The following NPSR1 variants were observed in gnomAD, a reference collection of about 807,000 sequenced individuals.
The protein encoded by NPSR1 is neuropeptide S receptor 1.
Under a neutral mutation model 46.9 loss-of-function variants are expected in NPSR1, and 48 were observed. The ratio of observed to expected loss-of-function variants is 1.02; its 90% CI spans 0.81 to 1.30. NPSR1 has a LOEUF of 1.30. Among genes scored for constraint, NPSR1 ranks in the 50% most tolerant of loss-of-function variants. NPSR1 has a pLI of 0.00. For synonymous variants in NPSR1, 176 were observed against 168.1 expected, an observed-to-expected ratio of 1.05 and a Z score of -0.36; for missense variants, 450 against 449.5, an observed-to-expected ratio of 1.00 and a Z score of -0.01.
Position 34,843,698 on chromosome 7 carries a change from G to A in NPSR1, c.758-1198G>A, listed in dbSNP as rs549816953. On this transcript the variant is annotated intron_variant, in intron 6 of 8. Transcript: ENST00000360581. ...TTGGACTAGATCAGATTGGAGGTGGGATTGAATGAATATTGCAAAGGTAAA... is the reference window on the plus strand; with the variant it reads ...TTGGACTAGATCAGATTGGAGGTGGAATTGAATGAATATTGCAAAGGTAAA... Among the ~76,000 whole-genome samples the A allele has an allele frequency of 5.9e-5, 9 of 152,350 alleles. No homozygotes were observed. The South Asian group carries it at 1.4e-3, about 25-fold the overall frequency.
chr7:34,706,147 G>A (rs1408168317), intron 2 of NPSR1, among the ~76,000 whole-genome samples: 2 of 151,060 alleles, frequency 1.3e-5, no homozygotes, highest in African/African-American at 4.9e-5. Context: ...TTCTTGATAG[G>A]TTATCCAATT....
chr7:34,770,428 T>G (rs1786625549), intron 2 of NPSR1, among the ~76,000 whole-genome samples: 2 of 152,196 alleles, frequency 1.3e-5, no homozygotes, highest in South Asian at 4.1e-4. Context: ...CCCATGTGCT[T>G]GCCAATGCTT....
intron 2 of NPSR1, among the ~76,000 whole-genome samples, chr7:34,773,733 G>C (rs1786800333): frequency 6.6e-6 from 1 of 152,214 alleles, no homozygotes; most frequent in South Asian, 2.1e-4. Flanking sequence ...TGGCTAATGA[G>C]TAGTCTTGCT....
intron 3 of NPSR1, among the ~76,000 whole-genome samples, chr7:34,786,282 G>C (rs184587688): frequency 3.6e-3 from 545 of 152,132 alleles, no homozygotes; most frequent in Non-Finnish European, 5.8e-3. Context: ...CACTTTCTTT[G>C]CTCATCCATA....
chr7:34,685,495 T>A (rs1225430484), intron 2 of NPSR1, among the ~76,000 whole-genome samples: 1 of 144,150 alleles, frequency 6.9e-6, no homozygotes, highest in Non-Finnish European at 1.5e-5. Flanking sequence ...TGGATCAGAC[T>A]ATAGAAAAAA....
chr7:34,697,536 A>G (rs1223862244), intron 2 of NPSR1, among the ~76,000 whole-genome samples: 1 of 151,992 alleles, frequency 6.6e-6, no homozygotes, highest in African/African-American at 2.4e-5. Flanking sequence ...TAAAATAGAT[A>G]GTATTTGCAT....
At chr7:34,688,666 C>G (rs571193808) in intron 2 of NPSR1, among the ~76,000 whole-genome samples, 1 of 152,298 alleles carries the variant, frequency 6.6e-6, no homozygotes, top group South Asian at 2.1e-4. Flanking sequence ...TGCAGTTTCT[C>G]TGCTCTTTCC....
At chr7:34,738,036 T>C (rs1246797249) in intron 2 of NPSR1, among the ~76,000 whole-genome samples, 1 of 152,246 alleles carries the variant, frequency 6.6e-6, no homozygotes, top group African/African-American at 2.4e-5. Flanking sequence ...TACGGACATT[T>C]AACAAGTGTT....
intron 2 of NPSR1, among the ~76,000 whole-genome samples, chr7:34,745,253 T>C (rs970382011): frequency 6.6e-6 from 1 of 152,222 alleles, no homozygotes; most frequent in African/African-American, 2.4e-5. Flanking sequence ...CTATTCATTA[T>C]GCCTCTTCAC....
At chr7:34,673,977 G>A (rs1470612981) in intron 1 of NPSR1, among the ~76,000 whole-genome samples, 1 of 152,150 alleles carries the variant, frequency 6.6e-6, no homozygotes, top group Non-Finnish European at 1.5e-5. Flanking sequence ...TTGCAAGCAG[G>A]CCTCCCAGTT....
At chr7:34,705,066 C>T (rs1794031142) in intron 2 of NPSR1, among the ~76,000 whole-genome samples, 1 of 152,082 alleles carries the variant, frequency 6.6e-6, no homozygotes, top group African/African-American at 2.4e-5. Context: ...TCTATATTGT[C>T]TCTTTTTATA....
At chr7:34,871,380 C>A (rs980416349) in intron 8 of NPSR1, 1 of 151,736 alleles carries the variant, frequency 6.6e-6, no homozygotes, top group African/African-American at 2.4e-5. Flanking sequence ...GGCCCCATCT[C>A]CAACATTGGG....
At chr7:34,692,315 T>C (rs911531763) in intron 2 of NPSR1, among the ~76,000 whole-genome samples, 5 of 152,128 alleles carry the variant, frequency 3.3e-5, no homozygotes, top group Non-Finnish European at 5.9e-5. Flanking sequence ...AAAGCAATTC[T>C]CAATAAATTA....
intron 2 of NPSR1, among the ~76,000 whole-genome samples, chr7:34,729,008 A>G (rs1353452084): frequency 6.6e-6 from 1 of 152,322 alleles, no homozygotes; most frequent in East Asian, 1.9e-4. Flanking sequence ...TTCTGACCTA[A>G]GAACATTAAT....
intron 2 of NPSR1, among the ~76,000 whole-genome samples, chr7:34,716,904 G>C (rs1231695102): frequency 6.6e-6 from 1 of 152,078 alleles, no homozygotes; most frequent in Non-Finnish European, 1.5e-5. Context: ...GAGTGTCAGG[G>C]GCAGATTACA....
chr7:34,811,774 T>A lies in NPSR1; in HGVS notation c.389T>A (p.Val130Glu), dbSNP rs1193657013. 5 of 1,608,830 alleles carry A rather than the reference T, an allele frequency of 3.1e-6. No homozygotes were observed. The highest frequency in any genetic ancestry group is 3.3e-4 in the Middle Eastern group (2 of 6,048). ...TCCTCTCATTTCTGTCTTTAGGTTGTGCTGCTCTACGCCTCTACCTACGTC... is the reference window on the plus strand; with the variant it reads ...TCCTCTCATTTCTGTCTTTAGGTTGAGCTGCTCTACGCCTCTACCTACGTC... Reference protein sequence around the residue: ...VCRVVRYLQVVLLYASTYVLV... With the variant: ...VCRVVRYLQVELLYASTYVLV... The change falls in exon 4 of 9, where the codon GTG (valine) becomes GAG (glutamate). Residue 130 changes from valine to glutamate, a missense_variant. Val to Glu is a moderately radical substitution (Grantham distance 121). Coordinates refer to ENST00000360581, the MANE Select transcript of NPSR1 (RefSeq NM_207172.2).
intron 4 of NPSR1, among the ~76,000 whole-genome samples, chr7:34,824,086 T>C (rs1229323076): frequency 1.3e-5 from 2 of 152,246 alleles, no homozygotes; most frequent in African/African-American, 2.4e-5. Context: ...GGTTACAAGG[T>C]AGGATCTGTA....
At chr7:34,718,812 T>G (rs1446525680) in intron 2 of NPSR1, 1 of 152,176 alleles carries the variant, frequency 6.6e-6, no homozygotes, top group African/African-American at 2.4e-5. Context: ...GGGAAAGTCA[T>G]GACATTTTTC....
chr7:34,767,109 T>TTAAA (rs1358834548), intron 2 of NPSR1, among the ~76,000 whole-genome samples: 3 of 152,156 alleles, frequency 2.0e-5, no homozygotes, highest in African/African-American at 7.2e-5. Flanking sequence ...GTATGTGAGA[T>TTAAA]TAAATTTCAT....
Sources: gnomAD v4.1 joint callset for allele counts (sites outside exome capture counted in the v4.1 genomes callset) on GRCh38, gnomAD v4.1.1 for gene constraint, MANE v1.5 for transcripts, NCBI Gene and HGNC (gene_info 2026-07-23, HGNC 2026-07-21) for gene names.